Variants in AMPH observed in about 807,000 individuals in gnomAD.
AMPH encodes the protein amphiphysin.
AMPH carries 49 observed loss-of-function variants against 99.1 expected under a neutral mutation model. The observed-to-expected ratio is 0.49, with a 90% CI of 0.39 to 0.63. The LOEUF (loss-of-function observed/expected upper bound fraction) is 0.63. AMPH is among the 20% of genes least tolerant of loss of function. The pLI is 0.00. For missense variants in AMPH, 759 were observed against 863.4 expected, an observed-to-expected ratio of 0.88 and a Z score of 1.52; for synonymous variants, 314 against 317.3, an observed-to-expected ratio of 0.99 and a Z score of 0.11.
At chr7:38,427,230 C>G (rs929423468) in intron 14 of AMPH, among the ~76,000 whole-genome samples, 1 of 151,294 alleles carries the variant, frequency 6.6e-6, no homozygotes, top group Admixed American at 6.6e-5. Flanking sequence ...TTGCTTGGTG[C>G]CAACCAAAAC....
chr7:38,428,581 G>A (rs2128991744), intron 14 of AMPH: 1 of 456,608 alleles, frequency 2.2e-6, no homozygotes, highest in South Asian at 1.5e-5. Flanking sequence ...TCATGGTTGG[G>A]AGTGTCTATT....
At chr7:38,391,634 G>T in intron 19 of AMPH, 114 bp downstream of exon 19, 1 of 1,066,478 alleles carries the variant, frequency 9.4e-7, no homozygotes, top group Non-Finnish European at 1.3e-6. Flanking sequence ...AGGGAAAGCA[G>T]TTCACAGAAA....
chr7:38,624,813 G>A (rs1360343464), intron 1 of AMPH, among the ~76,000 whole-genome samples: 1 of 151,910 alleles, frequency 6.6e-6, no homozygotes, highest in Non-Finnish European at 1.5e-5. Flanking sequence ...GACAGTAAAG[G>A]AATAAAAAAT....
chr7:38,417,777 G>C (rs765805153), intron 17 of AMPH, 48 bp downstream of exon 17: 4 of 1,606,392 alleles, frequency 2.5e-6, no homozygotes, highest in Non-Finnish European at 3.4e-6. Flanking sequence ...AGATGAGCAT[G>C]GCTGTGGCAG....
intron 1 of AMPH, among the ~76,000 whole-genome samples, chr7:38,550,298 A>G (rs2118462): frequency 0.52 from 79,177 of 151,842 alleles, 20,987 homozygotes; most frequent in Middle Eastern, 0.61. Context: ...ACAATCCACA[A>G]TTTAACAAGA....
chr7:38,479,269 T>G (rs1788199109), intron 5 of AMPH, among the ~76,000 whole-genome samples: 1 of 151,942 alleles, frequency 6.6e-6, no homozygotes, highest in African/African-American at 2.4e-5. Flanking sequence ...CAGAACACAT[T>G]GGATGATATA....
intron 1 of AMPH, among the ~76,000 whole-genome samples, chr7:38,587,271 T>C (rs1380303912): frequency 6.6e-6 from 1 of 152,208 alleles, no homozygotes. Context: ...CAGCTCTGGG[T>C]GCTAATGTTT....
At chr7:38,500,221 GA>G (rs1318488185) in intron 3 of AMPH, among the ~76,000 whole-genome samples, 1 of 152,194 alleles carries the variant, frequency 6.6e-6, no homozygotes, top group Non-Finnish European at 1.5e-5. Flanking sequence ...CAGGACTTCT[GA>G]GTTGACTTTA....
At chr7:38,519,424 A>C (rs1029524120) in intron 2 of AMPH, among the ~76,000 whole-genome samples, 2 of 152,210 alleles carry the variant, frequency 1.3e-5, no homozygotes, top group Admixed American at 6.5e-5. Context: ...ATTAATTGAT[A>C]TCAATTAAAT....
chr7:38,451,250 C>T (rs1221440585), intron 11 of AMPH, among the ~76,000 whole-genome samples: 1 of 146,732 alleles, frequency 6.8e-6, no homozygotes, highest in African/African-American at 2.5e-5. Flanking sequence ...CTTGCACATA[C>T]ACACATATTT....
rs572234963 is a variant in AMPH at position 38,403,544 on chromosome 7, C to G, written c.1399-9330G>C. Among the ~76,000 whole-genome samples, 4 of 152,322 alleles carry G rather than the reference C, an allele frequency of 2.6e-5. No homozygotes were observed. The South Asian group carries it at 8.3e-4, about 32-fold the overall frequency. The stretch of plus-strand genomic sequence containing the variant: ...CTGAAGAACCTGCCTGTCTGTGTCA[C>G]CAGACCCCTGCAAACATACCTTAGA... On this transcript the variant is annotated intron_variant, in intron 17 of 20. Coordinates refer to ENST00000356264, the MANE Select transcript of AMPH (RefSeq NM_001635.4).
At chr7:38,525,277 T>TATATATATATATATATATAG (rs1481528083) in intron 2 of AMPH, among the ~76,000 whole-genome samples, 26 of 86,640 alleles carry the variant, frequency 3.0e-4, no homozygotes, top group African/African-American at 9.5e-4. Flanking sequence ...TATATATATA[T>TATATATATATATATATATAG]AGAGAGAGAG....
chr7:38,579,120 C>T (rs1584268098), intron 1 of AMPH, among the ~76,000 whole-genome samples: 1 of 152,228 alleles, frequency 6.6e-6, no homozygotes, highest in South Asian at 2.1e-4. Context: ...ACTGCAAGAA[C>T]TACAACTCTA....
rs541034972 is a variant in AMPH at position 38,391,471 on chromosome 7, G to A, written c.1878+277C>T. 3.9e-5 allele frequency among the ~76,000 whole-genome samples: 6 copies of A among 152,284 alleles called. 1 individual carries two copies. The South Asian group carries it at 1.2e-3, about 32-fold the overall frequency. ...TCCACAGATTCACAGGCACCTGGGG[G>A]AGTAGAGAGGAGGGAGGGCTGGAAA... On this transcript the variant is annotated intron_variant, in intron 19 of 20. Transcript: ENST00000356264.
Position 38,391,790 on chromosome 7 carries a change from T to C in AMPH, c.1836A>G (p.Ala612=), listed in dbSNP as rs1193644005. The change falls in exon 19 of 21, where the codon GCA becomes GCG. Residue 612 remains alanine (A), a synonymous_variant. Coordinates refer to ENST00000356264, the MANE Select transcript of AMPH (RefSeq NM_001635.4). ...GAGGCAATTCCTGAGAGGCCTCCCTTGCAGATGCTAGCTGGTCAGCAGCCC... is the reference window on the plus strand; with the variant it reads ...GAGGCAATTCCTGAGAGGCCTCCCTCGCAGATGCTAGCTGGTCAGCAGCCC... The part of the protein sequence containing the change: ...AMGAADQLAS[A]REASQELPPG... 1.2e-6 allele frequency: 2 copies of C among 1,613,812 alleles called. No homozygotes were observed. Among genetic ancestry groups the C allele is most frequent in the Admixed American group, 1.7e-5 (1 of 59,986 alleles).
intron 9 of AMPH, among the ~76,000 whole-genome samples, chr7:38,464,251 A>G (rs1787565749): frequency 6.6e-6 from 1 of 152,170 alleles, no homozygotes; most frequent in Non-Finnish European, 1.5e-5. Flanking sequence ...AAATTTTTTC[A>G]TGCACTTCAT....
chr7:38,444,234 T>A (rs146935050), intron 11 of AMPH, among the ~76,000 whole-genome samples: 1 of 152,120 alleles, frequency 6.6e-6, no homozygotes, highest in Non-Finnish European at 1.5e-5. Context: ...GACTCACATA[T>A]CATTGATCTA....
At chr7:38,563,224 T>C (rs1222211978) in intron 1 of AMPH, among the ~76,000 whole-genome samples, 1 of 151,580 alleles carries the variant, frequency 6.6e-6, no homozygotes, top group African/African-American at 2.4e-5. Context: ...ATTGCACACA[T>C]AAATGCCCCC....
At chr7:38,587,928 G>A (rs1378076384) in intron 1 of AMPH, among the ~76,000 whole-genome samples, 1 of 148,592 alleles carries the variant, frequency 6.7e-6, no homozygotes, top group Non-Finnish European at 1.5e-5. Flanking sequence ...GTGTGTGTGT[G>A]TGTGTGTGTG....
Sources: gnomAD v4.1 joint callset for allele counts (sites outside exome capture counted in the v4.1 genomes callset) on GRCh38, gnomAD v4.1.1 for gene constraint, MANE v1.5 for transcripts, NCBI Gene and HGNC (gene_info 2026-07-23, HGNC 2026-07-21) for gene names.